GABRA3: variants seen among roughly 807,000 people sequenced by gnomAD.
GABRA3 encodes gamma-aminobutyric acid type A receptor subunit alpha3, also known as gamma-aminobutyric acid receptor subunit alpha-3.
GABRA3 carries 10 observed loss-of-function variants against 30.1 expected under a neutral mutation model. The ratio of observed to expected loss-of-function variants is 0.33; its 90% confidence interval spans 0.20 to 0.56. The LOEUF is 0.56. Ranked by LOEUF, GABRA3 falls within the 20% of genes least tolerant of loss-of-function variation. The pLI is 0.89. For missense variants in GABRA3, 233 were observed against 392.0 expected, an observed-to-expected ratio of 0.59 and a Z score of 3.42; for synonymous variants, 151 against 146.8, an observed-to-expected ratio of 1.03 and a Z score of -0.21.
At chrX:152,395,841 C>T (rs1929646164) in intron 1 of GABRA3, among the ~76,000 whole-genome samples, 1 of 112,133 alleles carries the variant, frequency 8.9e-6, no homozygotes, top group South Asian at 3.6e-4. Flanking sequence ...TGGTCAATCA[C>T]AGATCAATCT....
chrX:152,199,159 G>T lies in GABRA3; in HGVS notation c.779-1374C>A, dbSNP rs753234370. Among the ~76,000 whole-genome samples, 3 of 110,603 alleles carry T rather than the reference G, an allele frequency of 2.7e-5. No homozygotes were observed. In the Admixed American group the frequency reaches 2.9e-4, roughly 11 times the overall value. ...AGGCGGGCAGATTACGAGGTCAGGA[G>T]ATCGAGACCATCCTGGCTAACATGG... On this transcript the variant is annotated intron_variant, in intron 7 of 9. Coordinates refer to ENST00000370314, the MANE Select transcript of GABRA3 (RefSeq NM_000808.4).
At chrX:152,315,368 G>A (rs146210966) in intron 3 of GABRA3, among the ~76,000 whole-genome samples, 39 of 111,167 alleles carry the variant, frequency 3.5e-4, no homozygotes, top group African/African-American at 1.2e-3. Flanking sequence ...GAGTCCTCAG[G>A]AAAGCCATTT....
At chrX:152,268,915 G>C (rs1186381421) in intron 4 of GABRA3, among the ~76,000 whole-genome samples, 1 of 111,793 alleles carries the variant, frequency 8.9e-6, no homozygotes, top group African/African-American at 3.3e-5. Context: ...GGTCATTCAG[G>C]AACATGTTCT....
chrX:152,243,209 G>A (rs1323613463), intron 5 of GABRA3, among the ~76,000 whole-genome samples: 1 of 111,686 alleles, frequency 9.0e-6, no homozygotes. Flanking sequence ...GGATTGAGGA[G>A]ATGTTGGTCA....
chrX:152,253,756 C>G, intron 5 of GABRA3, among the ~76,000 whole-genome samples: 1 of 111,643 alleles, frequency 9.0e-6, no homozygotes, highest in Admixed American at 9.5e-5. Flanking sequence ...AAAATATGTC[C>G]TTCCATTCCC....
intron 5 of GABRA3, among the ~76,000 whole-genome samples, chrX:152,244,328 T>C (rs1189881115): frequency 8.9e-6 from 1 of 112,029 alleles, no homozygotes; most frequent in Non-Finnish European, 1.9e-5. Flanking sequence ...GAAATATTAA[T>C]ATAACCACTA....
intron 4 of GABRA3, among the ~76,000 whole-genome samples, chrX:152,269,908 G>GA (rs1164708194): frequency 1.8e-5 from 2 of 111,833 alleles, no homozygotes; most frequent in East Asian, 5.6e-4. Flanking sequence ...AAACATTGCG[G>GA]AAATGCTCCA....
intron 4 of GABRA3, among the ~76,000 whole-genome samples, chrX:152,273,229 C>T (rs1355833051): frequency 8.9e-6 from 1 of 111,913 alleles, no homozygotes; most frequent in Non-Finnish European, 1.9e-5. Flanking sequence ...AAAACAAAAC[C>T]ACAACGAGAT....
In GABRA3 at chrX:152,231,779, T is replaced by C. The variant is rs775912404; in HGVS notation, c.552-6934A>G. On this transcript the variant is annotated intron_variant, in intron 5 of 9. Transcript: ENST00000370314. ...GAAACAACCCAAATGTCCATTATTG[T>C]GACTGGATGAACAAGATGTGGTATA... 2.7e-5 allele frequency among the ~76,000 whole-genome samples: 3 copies of C among 111,976 alleles called. No individual in the cohort carries two copies. In the South Asian group the frequency reaches 1.1e-3, roughly 41 times the overall value.
intron 3 of GABRA3, among the ~76,000 whole-genome samples, chrX:152,289,554 A>C (rs992641093): frequency 1.8e-5 from 2 of 109,035 alleles, no homozygotes; most frequent in Non-Finnish European, 3.8e-5. Context: ...TCTAGGATAC[A>C]TATGCACAAC....
chrX:152,239,566 G>A (rs1273443828), intron 5 of GABRA3, among the ~76,000 whole-genome samples: 1 of 90,834 alleles, frequency 1.1e-5, no homozygotes. Context: ...TTTCTGTCTC[G>A]TTGATCTGTC....
At chrX:152,182,425 CTATA>C (rs1432405939) in intron 9 of GABRA3, among the ~76,000 whole-genome samples, 1 of 86,980 alleles carries the variant, frequency 1.1e-5, no homozygotes, top group Non-Finnish European at 2.2e-5. Context: ...TATATATGCA[CTATA>C]TATAGTATGT....
intron 3 of GABRA3, among the ~76,000 whole-genome samples, chrX:152,328,757 A>C (rs1160926020): frequency 2.7e-5 from 3 of 111,795 alleles, no homozygotes; most frequent in African/African-American, 3.3e-5. Context: ...TGAATGGGCA[A>C]AAACTGGAAG....
intron 5 of GABRA3, among the ~76,000 whole-genome samples, chrX:152,254,622 C>T (rs1603226882): frequency 9.0e-6 from 1 of 111,144 alleles, no homozygotes; most frequent in Non-Finnish European, 1.9e-5. Flanking sequence ...AAGTATTATC[C>T]TTTTTTCCTT....
chrX:152,275,249 A>G (rs1335262483), intron 4 of GABRA3, among the ~76,000 whole-genome samples: 1 of 67,523 alleles, frequency 1.5e-5, no homozygotes, highest in East Asian at 4.1e-4. Context: ...TTTATTATAT[A>G]TAATAAAATA....
chrX:152,396,898 G>A (rs983216690), intron 1 of GABRA3, among the ~76,000 whole-genome samples: 4 of 111,890 alleles, frequency 3.6e-5, no homozygotes, highest in South Asian at 3.7e-4. Flanking sequence ...CATGGTTCAC[G>A]TTCATGTGCA....
intron 1 of GABRA3, among the ~76,000 whole-genome samples, chrX:152,444,978 G>A (rs866615466): frequency 1.2e-5 from 1 of 82,666 alleles, no homozygotes; most frequent in Non-Finnish European, 2.3e-5. Flanking sequence ...GGAGAATGGC[G>A]TGAACCCGGG....
chrX:152,255,974 G>A lies in GABRA3; in HGVS notation c.355C>T (p.Arg119Trp), dbSNP rs750973085. ...AGTCTTTCATCATGCCATGTCTGCC[G>A]AAAAAATACATCAATAGTGTACTCC... ...DMEYTIDVFF[R>W]QTWHDERLKF... The change falls in exon 5 of 10, where the codon CGG (arginine) becomes TGG (tryptophan). Residue 119 changes from arginine (R) to tryptophan (W), a missense_variant. Transcript: ENST00000370314. 1 of 1,203,648 alleles carries A rather than the reference G, an allele frequency of 8.3e-7. No homozygotes were observed. The highest frequency in any genetic ancestry group is 1.1e-6 in the Non-Finnish European group (1 of 890,399).
intron 1 of GABRA3, among the ~76,000 whole-genome samples, chrX:152,368,930 C>G (rs1375891826): frequency 9.0e-6 from 1 of 111,080 alleles, no homozygotes; most frequent in Non-Finnish European, 1.9e-5. Context: ...TTGTCTCGAT[C>G]TCCTGACCTT....
Sources: allele counts gnomAD v4.1 joint callset (sites outside exome capture counted in the v4.1 genomes callset), GRCh38; gene constraint gnomAD v4.1.1; transcripts MANE v1.5; gene names NCBI Gene and HGNC (gene_info 2026-07-23, HGNC 2026-07-21).